Variants in MDGA2 observed in about 807,000 individuals in gnomAD.
The protein encoded by MDGA2 is MAM domain-containing glycosylphosphatidylinositol anchor protein 2.
MDGA2 carries 40 observed loss-of-function variants against 117.8 expected under a neutral mutation model. The ratio of observed to expected loss-of-function variants is 0.34; its 90% CI spans 0.26 to 0.44. The LOEUF is 0.44. Ranked by LOEUF, MDGA2 falls within the 20% of genes least tolerant of loss-of-function variation. MDGA2 has a pLI of 1.00. For missense variants in MDGA2, 1,123 were observed against 1,250.6 expected, an observed-to-expected ratio of 0.90 and a Z score of 1.54; for synonymous variants, 452 against 439.0, an observed-to-expected ratio of 1.03 and a Z score of -0.37.
rs71448157 is a variant in MDGA2, at chr14:47,013,772, G to GTA, written c.1819+21237_1819+21238dup. On this transcript the variant is annotated intron_variant, in intron 8 of 16. Transcript: ENST00000399232. Reference sequence around the variant, plus strand: ...TAGGTATGAAAACATTAATTTCCTTGTATATATATATATATATATATCTCC... The same window carrying GTA: ...TAGGTATGAAAACATTAATTTCCTTGTATATATATATATATATATATATCTCC... Among the ~76,000 whole-genome samples the GTA allele has an allele frequency of 8.2e-3, 772 of 93,644 alleles. 74 individuals carry two copies. Among genetic ancestry groups the GTA allele is most frequent in the East Asian group, 0.035 (63 of 1,826 alleles). The allele number at this position is 93,644 out of a possible 152,430, so 61.4% of individuals were successfully genotyped here.
intron 1 of MDGA2, among the ~76,000 whole-genome samples, chr14:47,485,905 T>C (rs1309722848): frequency 6.6e-6 from 1 of 152,198 alleles, no homozygotes; most frequent in Non-Finnish European, 1.5e-5. Context: ...AGGCAGAAGT[T>C]TGCTGCAGGG....
At chr14:47,669,695 A>G (rs1898040456) in intron 1 of MDGA2, among the ~76,000 whole-genome samples, 1 of 152,120 alleles carries the variant, frequency 6.6e-6, no homozygotes, top group African/African-American at 2.4e-5. Flanking sequence ...GAGTGAGAAG[A>G]GGAAAAAGAG....
chr14:46,887,619 A>AT (rs1882723611), intron 10 of MDGA2, among the ~76,000 whole-genome samples: 1 of 151,960 alleles, frequency 6.6e-6, no homozygotes, highest in African/African-American at 2.4e-5. Context: ...GTGGTGAAGG[A>AT]TAAAAATCCT....
intron 5 of MDGA2, among the ~76,000 whole-genome samples, chr14:47,107,088 C>T (rs12586898): frequency 0.45 from 50,364 of 111,542 alleles, 12,511 homozygotes; most frequent in African/African-American, 0.56. Context: ...AAGTATAAGA[C>T]ACCTCTACTC....
chr14:47,046,978 A>G (rs1889288805), intron 7 of MDGA2, among the ~76,000 whole-genome samples: 2 of 152,290 alleles, frequency 1.3e-5, no homozygotes, highest in South Asian at 2.1e-4. Flanking sequence ...TTTGTACCCA[A>G]TGTTAGAGAT....
intron 6 of MDGA2, among the ~76,000 whole-genome samples, chr14:47,075,799 A>G (rs1890468545): frequency 6.6e-6 from 1 of 152,148 alleles, no homozygotes; most frequent in South Asian, 2.1e-4. Context: ...TTTCTTAAGA[A>G]GTTGAGAAAT....
intron 8 of MDGA2, among the ~76,000 whole-genome samples, chr14:47,025,723 AATT>A (rs1888448763): frequency 6.6e-6 from 1 of 151,794 alleles, no homozygotes; most frequent in East Asian, 1.9e-4. Context: ...AAAAAAAAAA[AATT>A]ATATTTTGGG....
Position 46,882,216 on chromosome 14 carries a change from T to A in MDGA2, c.2244A>T (p.Gly748=). 1 of 1,607,646 alleles carries A rather than the reference T, an allele frequency of 6.2e-7. No homozygotes were observed. Among genetic ancestry groups the A allele is most frequent in the Non-Finnish European group, 8.5e-7 (1 of 1,176,770 alleles). Residue 748 remains glycine (G), a synonymous_variant, in exon 11 of 17, where the codon GGA becomes GGT. Coordinates refer to ENST00000399232, the MANE Select transcript of MDGA2 (RefSeq NM_001113498.3). The part of the protein sequence containing the change: ...VAYRLGIRQA[G]QQRWWEQEIK... Reference sequence around the variant, plus strand: ...TCTCCTGCTCCCACCAGCGCTGCTGTCCAGCCTGAAATCAAAACAATAATA... The same window carrying A: ...TCTCCTGCTCCCACCAGCGCTGCTGACCAGCCTGAAATCAAAACAATAATA...
chr14:47,309,962 G>C lies in MDGA2; in HGVS notation c.281-8412C>G, dbSNP rs755713882. Among the ~76,000 whole-genome samples the C allele has an allele frequency of 5.3e-4, 81 of 151,998 alleles. 2 individuals are homozygous for C. Among genetic ancestry groups the C allele is most frequent in the Non-Finnish European group, 9.7e-4 (66 of 67,980 alleles). ...ATGATAAAAAGCAATCATATTTTCTGTGTAAAAACTATCTTGTTTGACAAG... is the reference window on the plus strand; with the variant it reads ...ATGATAAAAAGCAATCATATTTTCTCTGTAAAAACTATCTTGTTTGACAAG... On this transcript the variant is annotated intron_variant, in intron 1 of 16. Transcript: ENST00000399232.
chr14:46,907,762 CT>C (rs5808367), intron 10 of MDGA2, among the ~76,000 whole-genome samples: 4,882 of 152,198 alleles, frequency 0.032, 106 homozygotes, highest in Non-Finnish European at 0.046. Context: ...TTTCCATTAT[CT>C]GATTGTATTC....
chr14:46,980,150 C>T (rs1263528570), intron 8 of MDGA2, among the ~76,000 whole-genome samples: 1 of 152,102 alleles, frequency 6.6e-6, no homozygotes, highest in Non-Finnish European at 1.5e-5. Context: ...ATGCTACAAT[C>T]TACATTTGTG....
intron 8 of MDGA2, among the ~76,000 whole-genome samples, chr14:47,033,392 A>G (rs866889971): frequency 3.3e-5 from 5 of 152,220 alleles, no homozygotes; most frequent in Non-Finnish European, 2.9e-5. Context: ...AGCTGCAGGA[A>G]CACTGAAGCT....
chr14:46,957,224 A>G (rs2138629781), intron 9 of MDGA2, 150 bp downstream of exon 9: 1 of 759,648 alleles, frequency 1.3e-6, no homozygotes, highest in East Asian at 2.7e-5. Flanking sequence ...TTTGACTTAA[A>G]AATAAATTTG....
At chr14:47,057,019 G>A (rs1250364189) in intron 7 of MDGA2, among the ~76,000 whole-genome samples, 1 of 151,840 alleles carries the variant, frequency 6.6e-6, no homozygotes, top group Non-Finnish European at 1.5e-5. Flanking sequence ...ATAAAATATA[G>A]CTTCAGTAAT....
At chr14:46,993,069 A>C (rs1009824833) in intron 8 of MDGA2, among the ~76,000 whole-genome samples, 1 of 150,552 alleles carries the variant, frequency 6.6e-6, no homozygotes, top group Non-Finnish European at 1.5e-5. Flanking sequence ...GTTATCCTTA[A>C]AAAAAAAAAT....
At chr14:47,421,662 T>C (rs1176235544) in intron 1 of MDGA2, among the ~76,000 whole-genome samples, 1 of 152,074 alleles carries the variant, frequency 6.6e-6, no homozygotes, top group Non-Finnish European at 1.5e-5. Flanking sequence ...GAACTACTAG[T>C]GAACACCAAT....
At chr14:47,664,073 A>G (rs954720802) in intron 1 of MDGA2, among the ~76,000 whole-genome samples, 3 of 152,174 alleles carry the variant, frequency 2.0e-5, no homozygotes, top group Non-Finnish European at 4.4e-5. Context: ...GCTCCTTGCT[A>G]ACCACCACTG....
intron 6 of MDGA2, among the ~76,000 whole-genome samples, chr14:47,072,112 G>GTGC (rs1260851132): frequency 0.011 from 1,167 of 107,046 alleles, 96 homozygotes; most frequent in African/African-American, 0.04. Context: ...GGGGGGGGGG[G>GTGC]GGTTTGCAGG....
rs1898163766 is a variant in MDGA2, at chr14:47,675,320, GAGGAGGAGGAGGAA to G, written c.-538_-525del. Among the ~76,000 whole-genome samples the G allele has an allele frequency of 9.4e-4, 1 of 1,066 alleles. No homozygotes were observed. Among genetic ancestry groups the G allele is most frequent in the African/African-American group, 3.1e-3 (1 of 322 alleles). 0.7% of individuals were successfully genotyped at this position (1,066 alleles called of 152,430 possible). A position where few individuals can be genotyped will look rare whatever the true frequency, so the allele number is the denominator to read the frequency against. ...CATCGCCGAACGGGGAGAGGAGGAAGAGGAGGAGGAGGAAGAGGAGGAGGAGGAAGAGGAGGAGT... is the reference window on the plus strand; with the variant it reads ...CATCGCCGAACGGGGAGAGGAGGAAGGAGGAGGAGGAGGAAGAGGAGGAGT... On this transcript the variant is annotated 5_prime_UTR_variant, in exon 1 of 17. Transcript: ENST00000399232.
Sources: gnomAD v4.1 joint callset for allele counts (sites outside exome capture counted in the v4.1 genomes callset) on GRCh38, gnomAD v4.1.1 for gene constraint, MANE v1.5 for transcripts, NCBI Gene and HGNC (gene_info 2026-07-23, HGNC 2026-07-21) for gene names.